Variants in SKAP1 observed in about 807,000 individuals in gnomAD.
SKAP1 encodes src kinase-associated phosphoprotein 1.
In SKAP1, 44 loss-of-function variants were observed where a neutral mutation model predicts 58.5. The ratio of observed to expected loss-of-function variants is 0.75; its 90% CI spans 0.59 to 0.97. The LOEUF (loss-of-function observed/expected upper bound fraction) is 0.97. Among genes scored for constraint, SKAP1 ranks in the 50% least tolerant of loss-of-function variants. The pLI, the probability that SKAP1 is intolerant of heterozygous loss-of-function variation, is 0.00. For missense variants in SKAP1, 390 were observed against 435.2 expected, an observed-to-expected ratio of 0.90 and a Z score of 0.92; for synonymous variants, 127 against 149.7, an observed-to-expected ratio of 0.85 and a Z score of 1.11.
chr17:48,142,657 G>A (rs1488641821), intron 11 of SKAP1, among the ~76,000 whole-genome samples: 1 of 152,166 alleles, frequency 6.6e-6, no homozygotes, highest in Non-Finnish European at 1.5e-5. Flanking sequence ...CTCCTCAAAT[G>A]GCTCCTTATA....
At chr17:48,141,918 TACTC>T (rs1400110644) in intron 11 of SKAP1, among the ~76,000 whole-genome samples, 1 of 152,174 alleles carries the variant, frequency 6.6e-6, no homozygotes, top group African/African-American at 2.4e-5. Context: ...GTTCCTGAGT[TACTC>T]ACTCCCTAGA....
At chr17:48,253,695 A>C (rs950549170) in intron 4 of SKAP1, among the ~76,000 whole-genome samples, 4 of 150,876 alleles carry the variant, frequency 2.7e-5, no homozygotes, top group South Asian at 2.1e-4. Context: ...TGTGGAAGGG[A>C]CCAGAGCCAA....
upstream of SKAP1, chr17:48,430,269 C>G: frequency 2.0e-6 from 1 of 496,256 alleles, no homozygotes; most frequent in Non-Finnish European, 3.0e-6. Context: ...GGCCGTGGGT[C>G]CCCGGGCGCG....
chr17:48,280,673 C>T (rs1318604771), intron 4 of SKAP1, among the ~76,000 whole-genome samples: 2 of 152,150 alleles, frequency 1.3e-5, no homozygotes, highest in African/African-American at 4.8e-5. Flanking sequence ...TGTAGTCAAT[C>T]CACTCTTTCT....
intron 4 of SKAP1, among the ~76,000 whole-genome samples, chr17:48,305,208 G>T (rs563260057): frequency 2.0e-5 from 3 of 152,180 alleles, no homozygotes; most frequent in South Asian, 4.1e-4. Context: ...AAGAGACAGG[G>T]TCTCACTTTG....
At chr17:48,156,409 T>A (rs373600194) in intron 11 of SKAP1, 1 of 416,950 alleles carries the variant, frequency 2.4e-6, no homozygotes, top group Non-Finnish European at 5.0e-6. Flanking sequence ...CAGGAGCCAT[T>A]GGTTACGTAT....
chr17:48,424,048 T>C (rs1219518952), intron 1 of SKAP1, among the ~76,000 whole-genome samples: 1 of 152,158 alleles, frequency 6.6e-6, no homozygotes, highest in East Asian at 1.9e-4. Flanking sequence ...AACAAAATAC[T>C]ACAAACTAGG....
chr17:48,263,401 A>G (rs1306296938), intron 4 of SKAP1, among the ~76,000 whole-genome samples: 3 of 152,214 alleles, frequency 2.0e-5, no homozygotes, highest in Non-Finnish European at 2.9e-5. Flanking sequence ...AAAGTTTTGC[A>G]TTAAGAACAT....
chr17:48,155,570 C>G (rs2063965116), intron 11 of SKAP1, among the ~76,000 whole-genome samples: 1 of 151,902 alleles, frequency 6.6e-6, no homozygotes, highest in Non-Finnish European at 1.5e-5. Context: ...TAACAAGTGA[C>G]CATAGGCCAA....
intron 4 of SKAP1, among the ~76,000 whole-genome samples, chr17:48,197,568 A>C (rs1189820645): frequency 6.6e-6 from 1 of 152,166 alleles, no homozygotes; most frequent in Non-Finnish European, 1.5e-5. Flanking sequence ...ATGTGCCTGT[A>C]GTCCCAGGTA....
rs1236892796 is a variant in SKAP1, at chr17:48,430,101, G to A, written c.20C>T (p.Pro7Leu). MQAAALPEEIRWLLEDA... is the reference protein window; with the variant it reads MQAAALLEEIRWLLEDA... The stretch of plus-strand genomic sequence containing the variant: ...TTCCAGGAGCCAACGGATCTCCTCA[G>A]GGAGGGCGGCGGCCTGCATTTGGCT... The change falls in exon 1 of 13, where the codon CCT becomes CTT. Residue 7 changes from proline (P) to leucine (L), a missense_variant. Coordinates refer to ENST00000336915, the MANE Select transcript of SKAP1 (RefSeq NM_003726.4). The A allele has an allele frequency of 3.2e-6, 4 of 1,265,098 alleles. No individual in the cohort carries two copies. Among genetic ancestry groups the A allele is most frequent in the South Asian group, 7.5e-5 (2 of 26,684 alleles). The allele number at this position is 1,265,098 out of a possible 1,614,324, so 78.4% of individuals were successfully genotyped here. A position where few individuals can be genotyped will look rare whatever the true frequency, so the allele number is the denominator to read the frequency against.
chr17:48,237,309 G>A (rs192790039), intron 4 of SKAP1, among the ~76,000 whole-genome samples: 3 of 152,308 alleles, frequency 2.0e-5, no homozygotes, highest in Admixed American at 6.5e-5. Flanking sequence ...CCTAACTTGT[G>A]TTCTTCCTAT....
chr17:48,228,852 G>A (rs907901966), intron 4 of SKAP1, among the ~76,000 whole-genome samples: 4 of 152,180 alleles, frequency 2.6e-5, no homozygotes, highest in Non-Finnish European at 4.4e-5. Context: ...CCACAGAGCT[G>A]GGCTAAAGGA....
intron 4 of SKAP1, among the ~76,000 whole-genome samples, chr17:48,318,828 G>C (rs2091422385): frequency 1.3e-5 from 2 of 152,210 alleles, no homozygotes; most frequent in African/African-American, 2.4e-5. Flanking sequence ...TTGCACCACT[G>C]TTTAGCCTGG....
At chr17:48,403,127 G>T (rs892184176) in intron 1 of SKAP1, among the ~76,000 whole-genome samples, 19 of 150,490 alleles carry the variant, frequency 1.3e-4, no homozygotes, top group African/African-American at 4.6e-4. Context: ...ATTTTGGGAA[G>T]CCAAGGTAGG....
chr17:48,323,141 T>C (rs1358135927), intron 4 of SKAP1, among the ~76,000 whole-genome samples: 1 of 151,200 alleles, frequency 6.6e-6, no homozygotes, highest in Non-Finnish European at 1.5e-5. Flanking sequence ...GAATGAACGC[T>C]GGTAGACAAT....
chr17:48,189,677 C>CTTTT (rs891672689), intron 4 of SKAP1, among the ~76,000 whole-genome samples, 177 bp from the exon 5 acceptor site: 1 of 143,506 alleles, frequency 7.0e-6, no homozygotes, highest in Non-Finnish European at 1.5e-5. Flanking sequence ...CTTGCTTTTT[C>CTTTT]TTTTTTTTTT....
chr17:48,332,764 G>T (rs2066522065), intron 4 of SKAP1, among the ~76,000 whole-genome samples: 1 of 152,084 alleles, frequency 6.6e-6, no homozygotes, highest in South Asian at 2.1e-4. Context: ...ACTTTTTAGG[G>T]TTTTAAAAAA....
chr17:48,385,366 C>T (rs1252671926), intron 2 of SKAP1, among the ~76,000 whole-genome samples: 1 of 151,724 alleles, frequency 6.6e-6, no homozygotes, highest in African/African-American at 2.4e-5. Context: ...AAGAGGGAAT[C>T]ACTGTGTAGG....
Sources: gnomAD v4.1 joint callset for allele counts (sites outside exome capture counted in the v4.1 genomes callset) on GRCh38, gnomAD v4.1.1 for gene constraint, MANE v1.5 for transcripts, NCBI Gene and HGNC (gene_info 2026-07-23, HGNC 2026-07-21) for gene names.